The following TMC2 variants were observed in gnomAD, a reference collection of about 807,000 sequenced individuals.
TMC2 encodes the protein transmembrane channel-like protein 2.
TMC2 carries 102 observed loss-of-function variants against 105.9 expected under a neutral mutation model. That is an observed-to-expected ratio of 0.96 (90% confidence interval 0.82 to 1.14). The LOEUF (loss-of-function observed/expected upper bound fraction) is 1.14. Ranked by LOEUF, TMC2 falls within the 50% of genes most tolerant of loss-of-function variation. The pLI is 0.00. For synonymous variants in TMC2, 402 were observed against 422.8 expected (o/e 0.95, Z 0.60); for missense variants, 1,093 against 1,134.3 (o/e 0.96, Z 0.52).
At chr20:2,600,212 A>G (rs1165085627) in intron 10 of TMC2, among the ~76,000 whole-genome samples, 1 of 152,246 alleles carries the variant, frequency 6.6e-6, no homozygotes, top group Non-Finnish European at 1.5e-5. Flanking sequence ...AAGTTTATTA[A>G]AAGAGACATA....
intron 2 of TMC2, among the ~76,000 whole-genome samples, chr20:2,546,476 C>A (rs1185456441): frequency 4.4e-5 from 2 of 45,712 alleles, no homozygotes; most frequent in African/African-American, 9.6e-5. Context: ...GAGTAGTAAC[C>A]TGCAGAGTTG....
At position 2,608,304 on chromosome 20, in the gene TMC2, TTATTA is replaced by T. The variant is rs1454196146; in HGVS notation, c.1414-2113_1414-2109del. On this transcript the variant is annotated intron_variant, in intron 11 of 19. Coordinates refer to ENST00000358864, the MANE Select transcript of TMC2 (RefSeq NM_080751.3). ...CCAGTTGTACCCTTATTTTTATTTA[TTATTA>T]TTATTATTATTATTATTATTATTAT... 2.5e-3 allele frequency among the ~76,000 whole-genome samples: 269 copies of T among 109,060 alleles called. 2 individuals are homozygous for T. The highest frequency in any genetic ancestry group is 0.016 in the African/African-American group (261 of 16,476). The allele number at this position is 109,060 out of a possible 152,430, so 71.5% of individuals were successfully genotyped here.
intron 5 of TMC2, among the ~76,000 whole-genome samples, chr20:2,574,065 G>A (rs369480283): frequency 1.3e-5 from 2 of 152,178 alleles, no homozygotes; most frequent in Admixed American, 6.5e-5. Context: ...ACACTAAGCT[G>A]ATGGGAGTTG....
At chr20:2,554,005 C>T (rs2085971925) in intron 2 of TMC2, among the ~76,000 whole-genome samples, 1 of 152,164 alleles carries the variant, frequency 6.6e-6, no homozygotes, top group South Asian at 2.1e-4. Flanking sequence ...CTGCCTCAGC[C>T]TCCCGAGTAG....
At chr20:2,544,124 T>C (rs1231959500) in intron 2 of TMC2, among the ~76,000 whole-genome samples, 4 of 150,820 alleles carry the variant, frequency 2.7e-5, no homozygotes, top group African/African-American at 9.8e-5. Flanking sequence ...CCATGTTGGT[T>C]AGGCTGGTCT....
chr20:2,558,344 G>A lies in TMC2; in HGVS notation c.83-112G>A, dbSNP rs1003723946. ...GGGGTGTCCTGTTCTGAGCCCCGCA[G>A]AGCTCACAAGCTCTCGGAATCATCT... On this transcript the variant is annotated intron_variant, in intron 2 of 19. Coordinates refer to ENST00000358864, the MANE Select transcript of TMC2 (RefSeq NM_080751.3). The surrounding 1 kb of genome is among the most constrained non-coding windows in gnomAD (Gnocchi z 4.6). 1 of 1,501,346 alleles carries A rather than the reference G, an allele frequency of 6.7e-7. No individual in the cohort carries two copies. Among genetic ancestry groups the A allele is most frequent in the Non-Finnish European group, 8.9e-7 (1 of 1,124,084 alleles). The allele number at this position is 1,501,346 out of a possible 1,614,324, so 93.0% of individuals were successfully genotyped here.
intron 4 of TMC2, among the ~76,000 whole-genome samples, chr20:2,562,815 G>A (rs977652683): frequency 5.3e-5 from 8 of 151,958 alleles, no homozygotes; most frequent in South Asian, 2.1e-4. Context: ...GGGTGGTTGC[G>A]GGCACCTGTA....
At chr20:2,634,411 T>TGTGCCCTGAATACTGTCA (rs1476072248) in intron 17 of TMC2, among the ~76,000 whole-genome samples, 2 of 152,286 alleles carry the variant, frequency 1.3e-5, no homozygotes, top group African/African-American at 4.8e-5. Flanking sequence ...AGATCTGCTC[T>TGTGCCCTGAATACTGTCA]GTGCCCTGAA....
chr20:2,552,939 T>C (rs1333621784), intron 2 of TMC2, among the ~76,000 whole-genome samples: 4 of 152,224 alleles, frequency 2.6e-5, no homozygotes, highest in Admixed American at 2.6e-4. Context: ...TCCTGCATCA[T>C]TGTTACAAAA....
chr20:2,607,870 A>T (rs988310196), intron 11 of TMC2, among the ~76,000 whole-genome samples: 1 of 152,184 alleles, frequency 6.6e-6, no homozygotes, highest in African/African-American at 2.4e-5. Context: ...CACGCCTGTA[A>T]TCCCAGCACT....
Position 2,579,232 on chromosome 20 carries a change from GTA to G in TMC2, c.727+7_727+8del. On this transcript the variant is annotated splice_donor_region_variant and intron_variant, in intron 6 of 19. Coordinates refer to ENST00000358864, the MANE Select transcript of TMC2 (RefSeq NM_080751.3). ...TGAAGATCAAGGACATTGAAAGTGA[GTA>G]TGCTGGTGTCACTGTTTTTTTAATT... 6.5e-7 allele frequency: 1 copy of G among 1,549,108 alleles called. No individual in the cohort carries two copies. Among genetic ancestry groups the G allele is most frequent in the Non-Finnish European group, 8.9e-7 (1 of 1,121,054 alleles).
At chr20:2,538,689 G>A (rs888368489) in intron 2 of TMC2, among the ~76,000 whole-genome samples, 3 of 152,194 alleles carry the variant, frequency 2.0e-5, no homozygotes, top group African/African-American at 7.2e-5. Flanking sequence ...CTTTCCTACT[G>A]AAATATTCCA....
At chr20:2,550,228 A>G (rs1389661727) in intron 2 of TMC2, among the ~76,000 whole-genome samples, 1 of 151,876 alleles carries the variant, frequency 6.6e-6, no homozygotes, top group Non-Finnish European at 1.5e-5. Flanking sequence ...GCATGCCTAT[A>G]GTTCCAGCCA....
rs923491785 is a variant in TMC2, at chr20:2,637,474, C to T, written c.2386C>T (p.Leu796Phe). The change falls in exon 19 of 20, where the codon CTC (leucine) becomes TTC (phenylalanine). Residue 796 changes from leucine to phenylalanine, a missense_variant and splice_region_variant. Physicochemically the swap from Leu to Phe is conservative, Grantham distance 22. Transcript: ENST00000358864. The stretch of plus-strand genomic sequence containing the variant: ...ACCAACAGTTCATTATTTCCTGCAG[C>T]TCCGTGAAGTTGAGAAGAGTCACAA... ...NAQLRKKIQV[L>F]REVEKSHKSV... The T allele has an allele frequency of 4.4e-6, 7 of 1,603,628 alleles. No homozygotes were observed. The highest frequency in any genetic ancestry group is 1.3e-5 in the African/African-American group (1 of 74,650).
At chr20:2,614,560 G>A (rs149608530) in intron 14 of TMC2, among the ~76,000 whole-genome samples, 108 of 152,178 alleles carry the variant, frequency 7.1e-4, no homozygotes, top group African/African-American at 2.1e-3. Flanking sequence ...CTGCCTAGGC[G>A]ACATAGTGAG....
chr20:2,551,574 A>G (rs1196010613), intron 2 of TMC2, among the ~76,000 whole-genome samples: 1 of 151,972 alleles, frequency 6.6e-6, no homozygotes, highest in Non-Finnish European at 1.5e-5. Flanking sequence ...GTCATTGCTA[A>G]ATTGAAGGCC....
intron 2 of TMC2, among the ~76,000 whole-genome samples, chr20:2,543,252 TAAAAAC>T (rs936581916): frequency 6.6e-6 from 1 of 151,798 alleles, no homozygotes; most frequent in African/African-American, 2.4e-5. Flanking sequence ...TAAAATAAAA[TAAAAAC>T]AAAACACATT....
At chr20:2,584,695 T>C (rs2086220477) in intron 7 of TMC2, among the ~76,000 whole-genome samples, 1 of 152,160 alleles carries the variant, frequency 6.6e-6, no homozygotes, top group South Asian at 2.1e-4. Context: ...TGCATTACAG[T>C]ATAATTTTTT....
intron 8 of TMC2, among the ~76,000 whole-genome samples, chr20:2,593,934 A>C (rs1307732828): frequency 6.6e-6 from 1 of 152,098 alleles, no homozygotes; most frequent in African/African-American, 2.4e-5. Flanking sequence ...CCCCAATGCC[A>C]CCAAGCTTTG....
Sources: gnomAD v4.1 joint callset for allele counts (sites outside exome capture counted in the v4.1 genomes callset) on GRCh38, gnomAD v4.1.1 for gene constraint, Gnocchi (gnomAD v3.1) non-coding constraint, MANE v1.5 for transcripts, NCBI Gene and HGNC (gene_info 2026-07-23, HGNC 2026-07-21) for gene names.